Variants in CDK17 observed in about 807,000 individuals in gnomAD.
The protein encoded by CDK17 is cyclin-dependent kinase 17.
Under a neutral mutation model 77.6 loss-of-function variants are expected in CDK17, and 24 were observed. That is an observed-to-expected ratio of 0.31 (90% CI 0.22 to 0.44). CDK17 has a LOEUF of 0.44. Ranked by LOEUF, CDK17 falls within the 20% of genes least tolerant of loss-of-function variation. The pLI is 1.00. For missense variants in CDK17, 429 were observed against 622.5 expected, an observed-to-expected ratio of 0.69 and a Z score of 3.31; for synonymous variants, 203 against 210.4, an observed-to-expected ratio of 0.96 and a Z score of 0.30.
intron 7 of CDK17, 21 bp downstream of exon 7, chr12:96,298,848 T>C (rs1411052553): frequency 7.9e-7 from 1 of 1,273,758 alleles, no homozygotes; most frequent in African/African-American, 1.5e-5. Flanking sequence ...GATTTTAAAA[T>C]GTTCTGTATA....
At chr12:96,376,871 T>C (rs1013048983) in intron 1 of CDK17, among the ~76,000 whole-genome samples, 6 of 152,138 alleles carry the variant, frequency 3.9e-5, no homozygotes, top group Non-Finnish European at 8.8e-5. Context: ...AAAAAACCAA[T>C]TGATACATGA....
At chr12:96,369,862 C>T (rs759610568) in intron 1 of CDK17, among the ~76,000 whole-genome samples, 2 of 152,154 alleles carry the variant, frequency 1.3e-5, no homozygotes, top group African/African-American at 2.4e-5. Context: ...GGGCGGATCA[C>T]GAGGTCAGGA....
At chr12:96,384,203 T>C (rs774633461) in intron 1 of CDK17, among the ~76,000 whole-genome samples, 37 of 151,988 alleles carry the variant, frequency 2.4e-4, no homozygotes, top group Non-Finnish European at 2.1e-4. Context: ...CACAACAAAA[T>C]ACCATCTCAC....
chr12:96,320,590 G>T (rs1377583398), intron 3 of CDK17, among the ~76,000 whole-genome samples: 4 of 149,944 alleles, frequency 2.7e-5, no homozygotes, highest in African/African-American at 9.8e-5. Context: ...AAACAGCATG[G>T]TACTGGTACC....
intron 1 of CDK17, among the ~76,000 whole-genome samples, chr12:96,347,017 G>A (rs1443867120): frequency 3.3e-5 from 5 of 152,076 alleles, no homozygotes; most frequent in Non-Finnish European, 7.4e-5. Context: ...CCAAAAAAGA[G>A]CAAGTGTAGC....
At chr12:96,396,562 T>C (rs1158810473) in intron 1 of CDK17, among the ~76,000 whole-genome samples, 1 of 152,234 alleles carries the variant, frequency 6.6e-6, no homozygotes, top group Non-Finnish European at 1.5e-5. Flanking sequence ...CCATTATCAC[T>C]TTATGAAATA....
intron 1 of CDK17, among the ~76,000 whole-genome samples, chr12:96,348,440 C>G (rs1353256062): frequency 1.4e-5 from 2 of 146,702 alleles, no homozygotes; most frequent in Admixed American, 7.0e-5. Context: ...AGGAGAACTG[C>G]TTCAACCTGG....
At chr12:96,310,174 T>C (rs925503175) in intron 5 of CDK17, among the ~76,000 whole-genome samples, 2 of 152,064 alleles carry the variant, frequency 1.3e-5, no homozygotes, top group East Asian at 1.9e-4. Context: ...CATGCAAAAA[T>C]AGGGCTGAAA....
intron 1 of CDK17, among the ~76,000 whole-genome samples, chr12:96,394,149 G>A (rs555553688): frequency 6.6e-6 from 1 of 152,166 alleles, no homozygotes; most frequent in East Asian, 1.9e-4. Context: ...GGGAGGCTGA[G>A]GCAGGAGAAT....
chr12:96,293,060 C>G (rs1265301779), intron 10 of CDK17, among the ~76,000 whole-genome samples: 2 of 152,162 alleles, frequency 1.3e-5, no homozygotes, highest in East Asian at 3.8e-4. Flanking sequence ...GAAATTAAAA[C>G]TTAGCAAATT....
intron 1 of CDK17, chr12:96,399,400 T>A (rs1434534262): frequency 6.6e-6 from 1 of 152,550 alleles, no homozygotes; most frequent in Non-Finnish European, 1.5e-5. Context: ...GCTGCCCTGA[T>A]CTTTGTCTCT....
intron 1 of CDK17, chr12:96,386,869 T>C (rs529142632): frequency 3.2e-4 from 61 of 189,104 alleles, no homozygotes; most frequent in African/African-American, 1.4e-3. Context: ...GCCATGGCCA[T>C]GTACTCTTCC....
chr12:96,303,667 T>G (rs1329862995), intron 5 of CDK17, among the ~76,000 whole-genome samples: 1 of 151,824 alleles, frequency 6.6e-6, no homozygotes, highest in East Asian at 1.9e-4. Context: ...TATAAACACA[T>G]GAAAATTCTA....
chr12:96,312,264 G>A (rs567120659), intron 4 of CDK17, among the ~76,000 whole-genome samples: 35 of 152,174 alleles, frequency 2.3e-4, no homozygotes, highest in African/African-American at 7.5e-4. Context: ...GTGACAGAGT[G>A]AGGCCCTGTC....
At position 96,334,735 on chromosome 12, in the gene CDK17, G is replaced by A; in HGVS notation, c.102C>T (p.Asn34=). The A allele has an allele frequency of 6.3e-7, 1 of 1,594,488 alleles. No individual in the cohort carries two copies. The highest frequency in any genetic ancestry group is 8.6e-7 in the Non-Finnish European group (1 of 1,162,716). ...AATATTTACCATTATCCTTGCTGCT[G>A]TTTTCTTCAATAGTCATTTGTTCAG... is the stretch of plus-strand genomic sequence containing the variant. ...ELAEQMTIEE[N]SSKDNEPIVK... Residue 34 remains asparagine, a synonymous_variant, in exon 2 of 17, where the codon AAC becomes AAT. Transcript: ENST00000261211.
intron 3 of CDK17, among the ~76,000 whole-genome samples, chr12:96,320,487 C>T (rs1395893764): frequency 2.7e-5 from 4 of 146,754 alleles, no homozygotes; most frequent in African/African-American, 1.0e-4. Flanking sequence ...CAAAAAAGAG[C>T]CCGCATCGCC....
intron 11 of CDK17, among the ~76,000 whole-genome samples, 197 bp downstream of exon 11, chr12:96,288,970 A>C (rs1422876200): frequency 2.0e-5 from 3 of 152,258 alleles, no homozygotes; most frequent in Non-Finnish European, 2.9e-5. Flanking sequence ...GAATAAAGTT[A>C]ACACATAGTT....
At chr12:96,359,764 A>C (rs532658360) in intron 1 of CDK17, among the ~76,000 whole-genome samples, 2 of 152,374 alleles carry the variant, frequency 1.3e-5, no homozygotes, top group African/African-American at 4.8e-5. Flanking sequence ...TTATACTATA[A>C]AACTCAAAGA....
Position 96,324,036 on chromosome 12 carries a change from G to C in CDK17, c.195C>G (p.Phe65Leu), listed in dbSNP as rs371601842. The change falls in exon 3 of 17, where the codon TTC becomes TTG. Residue 65 changes from phenylalanine to leucine, a missense_variant. Transcript: ENST00000261211. ...HSFLHQYTGS[F>L]KKPPLRRPHS... ...GTGGTCTCCGCAATGGGGGCTTCTT[G>C]AAAGATCCTGTGTACTGGTGGAGGA... 1.2e-5 allele frequency: 19 copies of C among 1,611,978 alleles called. No individual in the cohort carries two copies. The African/African-American group carries it at 1.3e-4, about 11-fold the overall frequency.
Sources: gnomAD v4.1 joint callset for allele counts (sites outside exome capture counted in the v4.1 genomes callset) on GRCh38, gnomAD v4.1.1 for gene constraint, MANE v1.5 for transcripts, NCBI Gene and HGNC (gene_info 2026-07-23, HGNC 2026-07-21) for gene names.